MTAP: variants seen among roughly 807,000 people sequenced by gnomAD.
The protein encoded by MTAP is methylthioadenosine phosphorylase, also known as S-methyl-5'-thioadenosine phosphorylase.
In MTAP, 33 loss-of-function variants were observed where a neutral mutation model predicts 33.6. That is an observed-to-expected ratio of 0.98 (90% CI 0.74 to 1.31). The LOEUF (loss-of-function observed/expected upper bound fraction) is 1.31, where lower values mean the gene tolerates loss of function less well. MTAP is among the 40% of genes most tolerant of loss of function. The pLI is 0.00. For missense variants in MTAP, 367 were observed against 360.0 expected (o/e 1.02, Z -0.16); for synonymous variants, 148 against 125.7 (o/e 1.18, Z -1.19).
downstream of MTAP, chr9:21,931,854 C>G (rs1302773721): frequency 6.6e-6 from 1 of 152,132 alleles, no homozygotes; most frequent in Admixed American, 6.5e-5. Context: ...TTCACTCTGC[C>G]TTATGCCCCT....
At chr9:21,895,269 T>C (rs1052049050) in intron 1 of MTAP, among the ~76,000 whole-genome samples, 8 of 152,186 alleles carry the variant, frequency 5.3e-5, no homozygotes, top group African/African-American at 1.7e-4. Context: ...ACTACCTGAC[T>C]TCAAAGTACA....
chr9:21,897,511 C>A (rs922314777), intron 1 of MTAP, among the ~76,000 whole-genome samples: 1 of 152,194 alleles, frequency 6.6e-6, no homozygotes, highest in South Asian at 2.1e-4. Context: ...TCTCCTTAAG[C>A]TGATAAGTAA....
intron 4 of MTAP, among the ~76,000 whole-genome samples, chr9:21,837,139 A>G (rs911706139): frequency 1.5e-5 from 2 of 130,114 alleles, no homozygotes; most frequent in African/African-American, 5.1e-5. Context: ...TTATGGATTC[A>G]AAACTGTTTT....
chr9:21,846,728 A>G (rs6475591), intron 5 of MTAP, among the ~76,000 whole-genome samples: 76,703 of 152,062 alleles, frequency 0.5, 20,947 homozygotes, highest in East Asian at 0.74. Flanking sequence ...TCCCACTCCT[A>G]TGCGTCTACC....
chr9:21,864,753 A>G lies in MTAP; in HGVS notation c.*2739A>G. 1 of 985,348 alleles carries G rather than the reference A, an allele frequency of 1.0e-6. No individual in the cohort carries two copies. The highest frequency in any genetic ancestry group is 1.2e-6 in the Non-Finnish European group (1 of 829,930). 61.0% of individuals were successfully genotyped at this position (985,348 alleles called of 1,614,324 possible). On this transcript the variant is annotated 3_prime_UTR_variant, in exon 8 of 8. Transcript: ENST00000644715. ...GGACAGTGAACTTCCTTGAAGAGGG[A>G]GTGACTAAGGTGACCTCCAACCTGC...
intron 1 of MTAP, among the ~76,000 whole-genome samples, chr9:21,903,019 GAATTCAACTA>G (rs1373038839): frequency 6.6e-6 from 1 of 152,208 alleles, no homozygotes; most frequent in African/African-American, 2.4e-5. Context: ...TGGAAAAGAT[GAATTCAACTA>G]AATGTGCAGC....
chr9:21,913,339 G>A (rs976287631), intron 1 of MTAP, among the ~76,000 whole-genome samples: 4 of 152,142 alleles, frequency 2.6e-5, no homozygotes, highest in African/African-American at 9.7e-5. Flanking sequence ...TAAGCCAAAA[G>A]AACAAAGCTG....
intron 1 of MTAP, among the ~76,000 whole-genome samples, chr9:21,812,752 A>G (rs1443901838): frequency 6.6e-6 from 1 of 152,200 alleles, no homozygotes; most frequent in Non-Finnish European, 1.5e-5. Flanking sequence ...GTCTCATAAC[A>G]TGGAGACAAA....
downstream of MTAP, among the ~76,000 whole-genome samples, chr9:21,940,247 T>C (rs1243714618): frequency 2.6e-5 from 4 of 152,208 alleles, no homozygotes; most frequent in South Asian, 6.2e-4. Context: ...AATTTGAGAC[T>C]CCTTATTAAA....
At chr9:21,885,492 G>A (rs1818093948) in intron 1 of MTAP, among the ~76,000 whole-genome samples, 1 of 151,950 alleles carries the variant, frequency 6.6e-6, no homozygotes, top group Non-Finnish European at 1.5e-5. Flanking sequence ...GGTCTTTAGT[G>A]TTGATTTCCA....
intron 1 of MTAP, among the ~76,000 whole-genome samples, chr9:21,805,611 G>C (rs890498110): frequency 1.3e-5 from 2 of 152,180 alleles, no homozygotes; most frequent in African/African-American, 2.4e-5. Flanking sequence ...TGGGGCCTTT[G>C]GGCGTGATTG....
Position 21,922,325 on chromosome 9 carries a change from C to G in MTAP, c.148-8683C>G, listed in dbSNP as rs749505807. Among the ~76,000 whole-genome samples the G allele has an allele frequency of 6.6e-6, 1 of 151,906 alleles. No homozygotes were observed. Among genetic ancestry groups the G allele is most frequent in the Non-Finnish European group, 1.5e-5 (1 of 68,000 alleles). ...AGGAAAAATCAAGAGTGGAGAGACA[C>G]AAAACTCCAGAAGCATGCCAACATA... On this transcript the variant is annotated intron_variant, in intron 1 of 1. Coordinates refer to the MTAP transcript ENST00000577563. This position sits in a 1 kb window ranked among gnomAD's most constrained non-coding sequence, Gnocchi z 4.8.
At chr9:21,831,537 G>A (rs1824967045) in intron 4 of MTAP, among the ~76,000 whole-genome samples, 1 of 151,926 alleles carries the variant, frequency 6.6e-6, no homozygotes, top group South Asian at 2.1e-4. Flanking sequence ...ATGTTGCCCA[G>A]GCTGGTTTCA....
Position 21,863,272 on chromosome 9 carries a change from A to G in MTAP, c.*1258A>G, listed in dbSNP as rs1261772002. 1.0e-6 allele frequency: 1 copy of G among 983,632 alleles called. No homozygotes were observed. Among genetic ancestry groups the G allele is most frequent in the Non-Finnish European group, 1.2e-6 (1 of 828,418 alleles). The allele number at this position is 983,632 out of a possible 1,614,324, so 60.9% of individuals were successfully genotyped here. A position where few individuals can be genotyped will look rare whatever the true frequency, so the allele number is the denominator to read the frequency against. On this transcript the variant is annotated 3_prime_UTR_variant, in exon 8 of 8. Transcript: ENST00000644715. ...AATTTTTGCTTTTTAATAAAGTGGA[A>G]GCTTGCTTTTTTAACTCTTTTTTTA...
At chr9:21,921,230 T>C (rs1332137017) in intron 1 of MTAP, among the ~76,000 whole-genome samples, 2 of 152,070 alleles carry the variant, frequency 1.3e-5, no homozygotes, top group South Asian at 2.1e-4. Context: ...TGATTCTTTG[T>C]ATTTCTGTGG....
intron 1 of MTAP, among the ~76,000 whole-genome samples, chr9:21,903,705 A>T (rs1305368015): frequency 6.6e-6 from 1 of 152,174 alleles, no homozygotes; most frequent in Non-Finnish European, 1.5e-5. Flanking sequence ...TGTCACTCTC[A>T]AAGGGCATGC....
At chr9:21,889,150 C>CTTTTTGAA (rs1415523501) in intron 1 of MTAP, among the ~76,000 whole-genome samples, 1 of 151,942 alleles carries the variant, frequency 6.6e-6, no homozygotes, top group Non-Finnish European at 1.5e-5. Context: ...TAATCTCAAA[C>CTTTTTGAA]TTTTTGAATT....
At chr9:21,875,719 G>A (rs1381048588) in intron 1 of MTAP, among the ~76,000 whole-genome samples, 2 of 152,052 alleles carry the variant, frequency 1.3e-5, no homozygotes, top group African/African-American at 4.8e-5. Context: ...CAAAAGATAT[G>A]GTCTCCTTCT....
At chr9:21,843,364 A>C (rs1825299668) in intron 5 of MTAP, among the ~76,000 whole-genome samples, 1 of 152,208 alleles carries the variant, frequency 6.6e-6, no homozygotes, top group Admixed American at 6.5e-5. Flanking sequence ...CTCAAGACAG[A>C]AAGTCAACAA....
Sources: gnomAD v4.1 joint callset for allele counts (sites outside exome capture counted in the v4.1 genomes callset) on GRCh38, gnomAD v4.1.1 for gene constraint, Gnocchi (gnomAD v3.1) non-coding constraint, MANE v1.5 for transcripts, NCBI Gene and HGNC (gene_info 2026-07-23, HGNC 2026-07-21) for gene names.